GRIN2B: variants seen among roughly 807,000 people sequenced by gnomAD.
The protein encoded by GRIN2B is glutamate ionotropic receptor NMDA type subunit 2B.
Under a neutral mutation model 114.5 loss-of-function variants are expected in GRIN2B, and 5 were observed. The observed-to-expected ratio is 0.04, with a 90% CI of 0.02 to 0.09. The LOEUF (loss-of-function observed/expected upper bound fraction) is 0.09, where lower values mean the gene tolerates loss of function less well. Ranked by LOEUF, GRIN2B falls within the 10% of genes least tolerant of loss-of-function variation. The probability of loss-of-function intolerance (pLI) is 1.00; values close to 1 mark genes in which losing one functional copy is unlikely to be tolerated. For synonymous variants in GRIN2B, 787 were observed against 745.1 expected (o/e 1.06, Z -0.92); for missense variants, 1,108 against 1,943.5 (o/e 0.57, Z 8.08).
chr12:13,818,193 A>G (rs879826036), intron 3 of GRIN2B, among the ~76,000 whole-genome samples: 2 of 152,248 alleles, frequency 1.3e-5, no homozygotes, highest in Non-Finnish European at 2.9e-5. Context: ...AGGCATTTCA[A>G]TATTCTAAAC....
At chr12:13,841,008 T>C (rs1865369438) in intron 3 of GRIN2B, among the ~76,000 whole-genome samples, 1 of 152,214 alleles carries the variant, frequency 6.6e-6, no homozygotes, top group Non-Finnish European at 1.5e-5. Context: ...TTTCCTCTTT[T>C]TACAAATATA....
At chr12:13,721,344 G>T (rs1950506616) in intron 4 of GRIN2B, among the ~76,000 whole-genome samples, 2 of 151,928 alleles carry the variant, frequency 1.3e-5, no homozygotes, top group South Asian at 2.1e-4. Flanking sequence ...GTGATCATCT[G>T]ATTTCCTTAA....
At chr12:13,691,446 A>T (rs1163486239) in intron 4 of GRIN2B, among the ~76,000 whole-genome samples, 1 of 152,198 alleles carries the variant, frequency 6.6e-6, no homozygotes, top group East Asian at 1.9e-4. Flanking sequence ...ATCCCTGTGA[A>T]AGCAAAGGAA....
chr12:13,779,367 G>A (rs1258065743), intron 3 of GRIN2B, among the ~76,000 whole-genome samples: 15 of 152,098 alleles, frequency 9.9e-5, no homozygotes, highest in Admixed American at 9.8e-4. Flanking sequence ...CTTTATAGAT[G>A]TTTTTTGGTT....
chr12:13,765,002 A>G (rs959711529), intron 3 of GRIN2B, among the ~76,000 whole-genome samples: 7 of 152,230 alleles, frequency 4.6e-5, no homozygotes, highest in Non-Finnish European at 8.8e-5. Context: ...CAGTCTCGTT[A>G]TCTTTAGAAC....
At chr12:13,923,606 G>A (rs982641428) in intron 2 of GRIN2B, among the ~76,000 whole-genome samples, 6 of 152,268 alleles carry the variant, frequency 3.9e-5, no homozygotes, top group Non-Finnish European at 5.9e-5. Context: ...GTTTAGAGAC[G>A]TTTACTAAAA....
chr12:13,753,222 G>A lies in GRIN2B; in HGVS notation c.1010+95C>T. On this transcript the variant is annotated intron_variant, in intron 4 of 13. Coordinates refer to ENST00000609686, the MANE Select transcript of GRIN2B (RefSeq NM_000834.5). This position sits in a 1 kb window ranked among gnomAD's most constrained non-coding sequence, Gnocchi z 6.2. Reference sequence around the variant, plus strand: ...CCAGGCTTCAACCTGCTACCGTCTTGAACTGTTCTTCCTGCAGTTTCTGAA... The same window carrying A: ...CCAGGCTTCAACCTGCTACCGTCTTAAACTGTTCTTCCTGCAGTTTCTGAA... The A allele has an allele frequency of 1.2e-6, 1 of 831,710 alleles. No individual in the cohort carries two copies. Among genetic ancestry groups the A allele is most frequent in the Non-Finnish European group, 2.1e-6 (1 of 470,282 alleles). The allele number at this position is 831,710 out of a possible 1,614,324, so 51.5% of individuals were successfully genotyped here.
rs1005432679 is a variant in GRIN2B at position 13,586,852 on chromosome 12, TAA to T, written c.2011-14890_2011-14889del. ...ACTGTTCTCAAATTCACATGGCTAA[TAA>T]AGAGTGAAAAGTACTGCCTTATGCT... is the stretch of plus-strand genomic sequence containing the variant. On this transcript the variant is annotated intron_variant, in intron 10 of 13. Transcript: ENST00000609686. Among the ~76,000 whole-genome samples the T allele has an allele frequency of 2.0e-4, 31 of 152,350 alleles. No homozygotes were observed. In the Middle Eastern group the frequency reaches 0.01, roughly 50 times the overall value.
intron 3 of GRIN2B, among the ~76,000 whole-genome samples, chr12:13,855,933 C>G (rs888896906): frequency 1.1e-4 from 17 of 152,104 alleles, no homozygotes; most frequent in African/African-American, 3.9e-4. Context: ...ACACTATGTG[C>G]TAGGAAGACG....
At chr12:13,818,270 A>G (rs879575010) in intron 3 of GRIN2B, among the ~76,000 whole-genome samples, 2 of 152,226 alleles carry the variant, frequency 1.3e-5, no homozygotes, top group Non-Finnish European at 2.9e-5. Context: ...CCAGCGACCC[A>G]GTGGGAAAGA....
At chr12:13,603,711 G>A (rs1043896956) in intron 10 of GRIN2B, among the ~76,000 whole-genome samples, 1 of 151,996 alleles carries the variant, frequency 6.6e-6, no homozygotes, top group Non-Finnish European at 1.5e-5. Context: ...TACATTAAAG[G>A]ATAGGGAATT....
intron 3 of GRIN2B, among the ~76,000 whole-genome samples, chr12:13,860,036 A>G (rs1865728491): frequency 6.6e-6 from 1 of 152,198 alleles, no homozygotes; most frequent in African/African-American, 2.4e-5. Context: ...GGCATGAGTA[A>G]CATGTAGCCA....
intron 2 of GRIN2B, among the ~76,000 whole-genome samples, chr12:13,935,509 C>T (rs1867109986): frequency 6.6e-6 from 1 of 152,196 alleles, no homozygotes; most frequent in Non-Finnish European, 1.5e-5. Context: ...AAAGCATTAA[C>T]TTGATTCAAA....
intron 2 of GRIN2B, among the ~76,000 whole-genome samples, chr12:13,870,793 A>G (rs186835047): frequency 1.3e-5 from 2 of 152,314 alleles, no homozygotes; most frequent in African/African-American, 4.8e-5. Context: ...CAAGCTACCA[A>G]TAAAGACAGA....
intron 4 of GRIN2B, among the ~76,000 whole-genome samples, chr12:13,703,929 C>T (rs1314963397): frequency 3.3e-5 from 5 of 152,112 alleles, no homozygotes; most frequent in African/African-American, 1.2e-4. Flanking sequence ...CAGAAATATA[C>T]CCAGTATACA....
At chr12:13,851,357 T>C (rs905083895) in intron 3 of GRIN2B, among the ~76,000 whole-genome samples, 2 of 152,146 alleles carry the variant, frequency 1.3e-5, no homozygotes, top group Admixed American at 6.6e-5. Context: ...AACTCTTCTT[T>C]CTCCTTCTTA....
intron 3 of GRIN2B, among the ~76,000 whole-genome samples, chr12:13,780,096 T>C (rs11055613): frequency 0.23 from 35,411 of 152,090 alleles, 4,450 homozygotes; most frequent in Non-Finnish European, 0.29. Flanking sequence ...CCACTGCTTT[T>C]TCTCAGTTGC....
At chr12:13,767,258 CAAAA>C (rs34462939) in intron 3 of GRIN2B, among the ~76,000 whole-genome samples, 2 of 97,678 alleles carry the variant, frequency 2.0e-5, no homozygotes. Context: ...GACTCTGTCT[CAAAA>C]AAAAAAAAAA....
intron 2 of GRIN2B, among the ~76,000 whole-genome samples, chr12:13,871,616 C>A (rs1161309632): frequency 4.0e-5 from 6 of 151,132 alleles, no homozygotes; most frequent in Non-Finnish European, 4.4e-5. Flanking sequence ...ACTTAACAGT[C>A]AACCCTAATA....
Sources: allele counts gnomAD v4.1 joint callset (sites outside exome capture counted in the v4.1 genomes callset), GRCh38; gene constraint gnomAD v4.1.1; non-coding constraint Gnocchi (gnomAD v3.1); transcripts MANE v1.5; gene names NCBI Gene and HGNC (gene_info 2026-07-23, HGNC 2026-07-21).